DENND2B: variants seen among roughly 807,000 people sequenced by gnomAD.
DENND2B encodes the protein DENN domain-containing protein 2B.
In DENND2B, 32 loss-of-function variants were observed where a neutral mutation model predicts 116.0. That is an observed-to-expected ratio of 0.28 (90% CI 0.21 to 0.37). The LOEUF is 0.37. Among genes scored for constraint, DENND2B ranks in the 10% least tolerant of loss-of-function variants. DENND2B has a pLI of 1.00. For missense variants in DENND2B, 1,276 were observed against 1,477.7 expected, an observed-to-expected ratio of 0.86 and a Z score of 2.24; for synonymous variants, 588 against 583.9, an observed-to-expected ratio of 1.01 and a Z score of -0.10.
chr11:8,837,830 C>G (rs76093621), intron 4 of DENND2B, among the ~76,000 whole-genome samples: 2 of 152,316 alleles, frequency 1.3e-5, no homozygotes, highest in South Asian at 2.1e-4. Flanking sequence ...GAAGCTACAA[C>G]TTCCAAGGAC....
chr11:8,750,355 C>G (rs908040303), intron 2 of DENND2B, among the ~76,000 whole-genome samples: 1 of 152,204 alleles, frequency 6.6e-6, no homozygotes, highest in Non-Finnish European at 1.5e-5. Flanking sequence ...AGGTTACAAG[C>G]CAGAAGAACA....
intron 1 of DENND2B, among the ~76,000 whole-genome samples, chr11:8,894,783 A>G (rs1012079413): frequency 1.1e-4 from 17 of 152,162 alleles, no homozygotes; most frequent in Non-Finnish European, 2.2e-4. Flanking sequence ...AAATAGGAAC[A>G]CTTTTACACT....
At chr11:8,824,247 T>C (rs2061883557) in intron 4 of DENND2B, among the ~76,000 whole-genome samples, 1 of 151,940 alleles carries the variant, frequency 6.6e-6, no homozygotes, top group East Asian at 1.9e-4. Context: ...AGGTTTGTTA[T>C]ACAGGTAGAC....
chr11:8,809,994 A>C (rs1193749329), intron 1 of DENND2B: 1 of 151,528 alleles, frequency 6.6e-6, no homozygotes. Flanking sequence ...TGTCCTAATA[A>C]ATGCTCTAGA....
chr11:8,770,844 C>T lies in DENND2B; in HGVS notation c.-25-20119G>A, dbSNP rs148028290. ...TAGCTGGGATGATAGGTGTGCACCA[C>T]TGCACAGACTCTATCTTGCCACTCC... On this transcript the variant is annotated intron_variant, in intron 1 of 19. Transcript: ENST00000313726. Among the ~76,000 whole-genome samples, 157 of 152,310 alleles carry T rather than the reference C, an allele frequency of 1.0e-3. 3 individuals carry two copies. The East Asian group carries it at 0.026, about 26-fold the overall frequency.
chr11:8,881,850 T>C (rs1284818572), intron 1 of DENND2B, among the ~76,000 whole-genome samples: 1 of 152,194 alleles, frequency 6.6e-6, no homozygotes, highest in African/African-American at 2.4e-5. Flanking sequence ...CGGCCAGTCT[T>C]GTTCTTGTTG....
chr11:8,757,171 C>A (rs946029972), intron 1 of DENND2B: 1 of 447,218 alleles, frequency 2.2e-6, no homozygotes, highest in African/African-American at 2.0e-5. Context: ...TGTGACCTTG[C>A]TCCAGTGAGT....
At chr11:8,856,447 G>A (rs1230270857) in intron 3 of DENND2B, among the ~76,000 whole-genome samples, 1 of 152,246 alleles carries the variant, frequency 6.6e-6, no homozygotes, top group African/African-American at 2.4e-5. Flanking sequence ...GGTACAGGCT[G>A]TATCAATCTG....
At position 8,824,690 on chromosome 11, in the gene DENND2B, A is replaced by AT. The variant is rs777570022; in HGVS notation, c.-114-13356dup. ...GCTTGTATCTTTATAATCAAACAAAATTTTTTTTTTTTTTTGGAGACAGAG... is the reference window on the plus strand; with the variant it reads ...GCTTGTATCTTTATAATCAAACAAAATTTTTTTTTTTTTTTTGGAGACAGAG... On this transcript the variant is annotated intron_variant, in intron 4 of 6. Transcript: ENST00000524757. 2.5e-3 allele frequency among the ~76,000 whole-genome samples: 354 copies of AT among 143,386 alleles called. 4 individuals carry two copies. Among genetic ancestry groups the AT allele is most frequent in the South Asian group, 0.014 (63 of 4,472 alleles). 94.1% of individuals were successfully genotyped at this position (143,386 alleles called of 152,430 possible).
chr11:8,858,167 T>C (rs1409875203), intron 2 of DENND2B, among the ~76,000 whole-genome samples: 3 of 152,214 alleles, frequency 2.0e-5, no homozygotes, highest in Non-Finnish European at 4.4e-5. Flanking sequence ...TTTACCCAAG[T>C]GAAGTCATGA....
intron 4 of DENND2B, among the ~76,000 whole-genome samples, chr11:8,824,356 T>C (rs1043179858): frequency 1.3e-4 from 20 of 152,130 alleles, no homozygotes; most frequent in Non-Finnish European, 2.4e-4. Context: ...CCTCCCACCC[T>C]TCACCCTCAA....
intron 4 of DENND2B, among the ~76,000 whole-genome samples, chr11:8,818,305 G>C (rs1445804294): frequency 6.6e-6 from 1 of 151,476 alleles, no homozygotes; most frequent in Non-Finnish European, 1.5e-5. Context: ...AGCTTAGCTA[G>C]CTCAGAACTC....
intron 1 of DENND2B, among the ~76,000 whole-genome samples, chr11:8,806,961 C>T (rs186839061): frequency 6.6e-6 from 1 of 152,006 alleles, no homozygotes; most frequent in African/African-American, 2.4e-5. Context: ...GCCCCTTCTC[C>T]ACTTTCCATG....
At chr11:8,754,954 T>C (rs1464349445) in intron 1 of DENND2B, among the ~76,000 whole-genome samples, 7 of 152,360 alleles carry the variant, frequency 4.6e-5, no homozygotes, top group East Asian at 1.9e-4. Context: ...GTGGTAATGG[T>C]TGTACAACTC....
intron 3 of DENND2B, among the ~76,000 whole-genome samples, chr11:8,843,538 G>A (rs976367863): frequency 6.6e-6 from 1 of 152,152 alleles, no homozygotes. Context: ...CAGTCACTGG[G>A]AAGGAAGCAC....
intron 4 of DENND2B, among the ~76,000 whole-genome samples, chr11:8,819,440 C>T (rs1241250512): frequency 6.6e-6 from 1 of 151,908 alleles, no homozygotes; most frequent in Non-Finnish European, 1.5e-5. Flanking sequence ...ATTTGTGTAA[C>T]CTCAAAGTAT....
intron 3 of DENND2B, among the ~76,000 whole-genome samples, chr11:8,855,643 G>T (rs2063169116): frequency 6.6e-6 from 1 of 151,980 alleles, no homozygotes; most frequent in Admixed American, 6.5e-5. Flanking sequence ...AGCACGCCGA[G>T]AAGGCTCTTC....
At chr11:8,873,026 A>G (rs150311355), upstream of DENND2B, among the ~76,000 whole-genome samples, 2,440 of 152,280 alleles carry the variant, frequency 0.016, 53 homozygotes, top group South Asian at 0.086. Context: ...TTCTGCCCCA[A>G]ACGTGGAACA....
At chr11:8,699,919 C>A (rs1220459382) in intron 14 of DENND2B, 1 of 456,336 alleles carries the variant, frequency 2.2e-6, no homozygotes, top group Non-Finnish European at 4.4e-6. Context: ...TTTCCAAGAC[C>A]CCAGATTGGC....
Sources: allele counts gnomAD v4.1 joint callset (sites outside exome capture counted in the v4.1 genomes callset), GRCh38; gene constraint gnomAD v4.1.1; transcripts MANE v1.5; gene names NCBI Gene and HGNC (gene_info 2026-07-23, HGNC 2026-07-21).